The following CSMD1 variants were observed in gnomAD, a reference collection of about 807,000 sequenced individuals.
CSMD1 encodes the protein CUB and Sushi multiple domains 1.
Under a neutral mutation model 417.5 loss-of-function variants are expected in CSMD1, and 213 were observed. The observed-to-expected ratio is 0.51, with a 90% confidence interval of 0.46 to 0.57. The LOEUF is 0.57. Among genes scored for constraint, CSMD1 ranks in the 20% least tolerant of loss-of-function variants. CSMD1 has a pLI of 0.00. For synonymous variants in CSMD1, 2,862 were observed against 1,736.8 expected (o/e 1.65, Z -16.11); for missense variants, 6,923 against 4,529.7 (o/e 1.53, Z -15.17).
At chr8:3,447,564 G>A (rs1419987164) in intron 12 of CSMD1, among the ~76,000 whole-genome samples, 1 of 152,194 alleles carries the variant, frequency 6.6e-6, no homozygotes, top group Admixed American at 6.5e-5. Context: ...TGTTCACAGA[G>A]GGCGACAGGA....
chr8:4,314,508 T>C (rs1004084684), intron 3 of CSMD1, among the ~76,000 whole-genome samples: 1 of 152,192 alleles, frequency 6.6e-6, no homozygotes, highest in Non-Finnish European at 1.5e-5. Flanking sequence ...GTCTGGACTT[T>C]GCTAATGCCT....
chr8:3,007,260 A>C (rs993840939), intron 52 of CSMD1, among the ~76,000 whole-genome samples: 3 of 151,474 alleles, frequency 2.0e-5, no homozygotes, highest in South Asian at 2.1e-4. Flanking sequence ...CGATCATTAA[A>C]AAGTCAGGAA....
intron 8 of CSMD1, among the ~76,000 whole-genome samples, chr8:3,588,470 G>A (rs921509339): frequency 1.2e-4 from 19 of 152,058 alleles, no homozygotes; most frequent in Admixed American, 9.8e-4. Flanking sequence ...TTCCAGGGGA[G>A]TTCAAACAGA....
intron 9 of CSMD1, among the ~76,000 whole-genome samples, chr8:3,576,542 A>T (rs1337583576): frequency 6.6e-6 from 1 of 152,202 alleles, no homozygotes; most frequent in African/African-American, 2.4e-5. Flanking sequence ...TAATTAGCTA[A>T]AATTGACCTA....
At chr8:4,345,528 C>T (rs944569709) in intron 3 of CSMD1, among the ~76,000 whole-genome samples, 1 of 151,924 alleles carries the variant, frequency 6.6e-6, no homozygotes, top group Admixed American at 6.6e-5. Flanking sequence ...AGACAACATG[C>T]AGAATGGGGG....
chr8:4,563,303 A>C (rs1452207157), intron 2 of CSMD1, among the ~76,000 whole-genome samples: 9 of 152,178 alleles, frequency 5.9e-5, no homozygotes, highest in Admixed American at 5.2e-4. Flanking sequence ...TGGGAGGCTG[A>C]AGCAGGAGAA....
At chr8:3,688,999 T>A (rs564867839) in intron 7 of CSMD1, among the ~76,000 whole-genome samples, 1 of 152,198 alleles carries the variant, frequency 6.6e-6, no homozygotes, top group South Asian at 2.1e-4. Flanking sequence ...AGGCTCTGCA[T>A]AGAGTTATGT....
chr8:4,210,646 C>T (rs972271512), intron 3 of CSMD1, among the ~76,000 whole-genome samples: 2 of 150,860 alleles, frequency 1.3e-5, no homozygotes, highest in Admixed American at 6.6e-5. Context: ...TACAATTAGC[C>T]AAGAAAAAAA....
intron 68 of CSMD1, among the ~76,000 whole-genome samples, chr8:2,943,008 T>C (rs541883186): frequency 1.1e-4 from 16 of 152,210 alleles, no homozygotes; most frequent in Non-Finnish European, 1.8e-4. Flanking sequence ...AAATATGTCA[T>C]TGAAATTATG....
chr8:4,554,075 G>C (rs965195373), intron 2 of CSMD1, among the ~76,000 whole-genome samples: 1 of 152,056 alleles, frequency 6.6e-6, no homozygotes, highest in Non-Finnish European at 1.5e-5. Context: ...CAAACTTCAG[G>C]TTTTTAATAT....
intron 3 of CSMD1, among the ~76,000 whole-genome samples, chr8:4,398,292 C>T (rs563863640): frequency 1.3e-5 from 2 of 151,596 alleles, no homozygotes; most frequent in South Asian, 4.2e-4. Context: ...GGTGGACAAT[C>T]GTCTCTACTC....
At chr8:3,426,322 G>C (rs560086632) in intron 12 of CSMD1, among the ~76,000 whole-genome samples, 2 of 152,248 alleles carry the variant, frequency 1.3e-5, no homozygotes, top group Admixed American at 6.5e-5. Flanking sequence ...AGGTTATTTT[G>C]TTCCGTAGGT....
chr8:4,913,928 T>C (rs552624719), intron 1 of CSMD1, among the ~76,000 whole-genome samples: 78 of 152,354 alleles, frequency 5.1e-4, no homozygotes, highest in African/African-American at 1.8e-3. Flanking sequence ...ACCAAAGGAA[T>C]GTATACAAAA....
At chr8:4,460,433 G>C (rs1250185025) in intron 2 of CSMD1, among the ~76,000 whole-genome samples, 2 of 152,014 alleles carry the variant, frequency 1.3e-5, no homozygotes, top group African/African-American at 4.8e-5. Context: ...CCTGGAAAAA[G>C]TACAAGCTAA....
intron 12 of CSMD1, among the ~76,000 whole-genome samples, chr8:3,414,331 C>T (rs971563786): frequency 8.0e-5 from 12 of 150,854 alleles, no homozygotes; most frequent in South Asian, 2.1e-4. Context: ...AGGATCATTC[C>T]GAAGAGCTTA....
At chr8:3,786,612 A>G (rs981372818) in intron 5 of CSMD1, among the ~76,000 whole-genome samples, 1 of 152,192 alleles carries the variant, frequency 6.6e-6, no homozygotes, top group Non-Finnish European at 1.5e-5. Flanking sequence ...CTCTCAGCAA[A>G]GCAGTTGCTT....
At chr8:4,906,659 C>A (rs1218395671) in intron 1 of CSMD1, among the ~76,000 whole-genome samples, 1 of 152,036 alleles carries the variant, frequency 6.6e-6, no homozygotes, top group Non-Finnish European at 1.5e-5. Flanking sequence ...GGGGTTCAAG[C>A]AATTCTCCTG....
intron 7 of CSMD1, among the ~76,000 whole-genome samples, chr8:3,681,097 A>G (rs1449161756): frequency 6.6e-6 from 1 of 152,222 alleles, no homozygotes; most frequent in East Asian, 1.9e-4. Flanking sequence ...GAATGGGCAA[A>G]AACTGGAAGC....
In CSMD1 at chr8:3,387,476, T is replaced by A; in HGVS notation, c.2782+18A>T. On this transcript the variant is annotated intron_variant, in intron 18 of 69. Transcript: ENST00000635120. ...CTGCACACCCTGCTGGTGCATTGCC[T>A]CACTGAGCTGTACCTACCGTCGCAG... is the stretch of plus-strand genomic sequence containing the variant. The A allele has an allele frequency of 6.3e-7, 1 of 1,580,406 alleles. No individual in the cohort carries two copies. Among genetic ancestry groups the A allele is most frequent in the South Asian group, 1.2e-5 (1 of 86,216 alleles).
Sources: gnomAD v4.1 joint callset for allele counts (sites outside exome capture counted in the v4.1 genomes callset) on GRCh38, gnomAD v4.1.1 for gene constraint, MANE v1.5 for transcripts, NCBI Gene and HGNC (gene_info 2026-07-23, HGNC 2026-07-21) for gene names.